Variants in CCBE1 observed in about 807,000 individuals in gnomAD.
CCBE1 encodes the protein collagen and calcium-binding EGF domain-containing protein 1.
CCBE1 carries 37 observed loss-of-function variants against 50.0 expected under a neutral mutation model. The observed-to-expected ratio is 0.74, with a 90% CI of 0.57 to 0.97. The LOEUF (loss-of-function observed/expected upper bound fraction) is 0.97, where lower values mean the gene tolerates loss of function less well. Ranked by LOEUF, CCBE1 falls within the 50% of genes least tolerant of loss-of-function variation. The pLI, the probability that CCBE1 is intolerant of heterozygous loss-of-function variation, is 0.00. For synonymous variants in CCBE1, 234 were observed against 203.7 expected (o/e 1.15, Z -1.27); for missense variants, 538 against 523.8 (o/e 1.03, Z -0.26).
chr18:59,543,651 G>C (rs1045157663), intron 2 of CCBE1, among the ~76,000 whole-genome samples: 3 of 152,056 alleles, frequency 2.0e-5, no homozygotes, highest in African/African-American at 7.2e-5. Flanking sequence ...CTGGCTAACA[G>C]GGTGAAACCC....
intron 2 of CCBE1, among the ~76,000 whole-genome samples, chr18:59,492,141 T>C (rs1418694890): frequency 2.3e-4 from 17 of 73,358 alleles, no homozygotes; most frequent in African/African-American, 1.0e-3. Context: ...TGAGACTTTG[T>C]CTCAAAAAAA....
intron 2 of CCBE1, among the ~76,000 whole-genome samples, chr18:59,631,249 G>A (rs2053845283): frequency 6.6e-6 from 1 of 152,008 alleles, no homozygotes; most frequent in African/African-American, 2.4e-5. Context: ...CGAGAGGGGA[G>A]CACCAGAAAG....
At chr18:59,696,427 G>T (rs2054804396) in intron 2 of CCBE1, 3 of 1,364,942 alleles carry the variant, frequency 2.2e-6, no homozygotes, top group Non-Finnish European at 2.9e-6. Context: ...CACCCTAGAC[G>T]CAAAGTCAGT....
intron 2 of CCBE1, among the ~76,000 whole-genome samples, chr18:59,484,883 TAA>T (rs1164704849): frequency 6.6e-6 from 1 of 152,082 alleles, no homozygotes; most frequent in African/African-American, 2.4e-5. Context: ...ATTAAAAAAA[TAA>T]ACACTGGTTG....
rs543646122 is a variant in CCBE1 at position 59,625,425 on chromosome 18, T to C, written c.212+71204A>G. 4.9e-3 allele frequency among the ~76,000 whole-genome samples: 416 copies of C among 85,188 alleles called. 5 individuals carry two copies. The highest frequency in any genetic ancestry group is 0.03 in the African/African-American group (393 of 12,926). The allele number at this position is 85,188 out of a possible 152,430, so 55.9% of individuals were successfully genotyped here. ...CAGCCTGGGCTACAGAGTGAGATTC[T>C]GTCTCAAAAAAAAAAAAAAAAAAAA... On this transcript the variant is annotated intron_variant, in intron 2 of 10. Coordinates refer to ENST00000439986, the MANE Select transcript of CCBE1 (RefSeq NM_133459.4).
intron 3 of CCBE1, 39 bp downstream of exon 3, chr18:59,480,147 G>C: frequency 2.4e-6 from 3 of 1,259,430 alleles, no homozygotes; most frequent in South Asian, 2.4e-5. Context: ...ATGATTAGTT[G>C]TGAATAAAGT....
At chr18:59,490,599 C>T (rs1204433977) in intron 2 of CCBE1, among the ~76,000 whole-genome samples, 3 of 152,162 alleles carry the variant, frequency 2.0e-5, no homozygotes, top group Admixed American at 2.0e-4. Flanking sequence ...CGACTACATA[C>T]AGGCATGTCT....
chr18:59,476,951 C>A (rs67327503), intron 3 of CCBE1, among the ~76,000 whole-genome samples: 3,274 of 152,290 alleles, frequency 0.021, 140 homozygotes, highest in East Asian at 0.2. Flanking sequence ...CCCTACTGAT[C>A]CACTAGCAAA....
intron 3 of CCBE1, among the ~76,000 whole-genome samples, chr18:59,471,980 T>C (rs780431786): frequency 2.0e-5 from 3 of 152,162 alleles, no homozygotes; most frequent in Non-Finnish European, 4.4e-5. Flanking sequence ...CTGGGCAACA[T>C]AGTGAGCTCC....
intron 2 of CCBE1, among the ~76,000 whole-genome samples, chr18:59,624,229 C>T (rs933690735): frequency 6.6e-5 from 10 of 152,210 alleles, no homozygotes; most frequent in Non-Finnish European, 1.2e-4. Context: ...ATTGATGTTT[C>T]ATTCTTATTG....
chr18:59,551,040 GAAAAGA>G (rs1915909930), intron 2 of CCBE1, among the ~76,000 whole-genome samples: 3 of 111,042 alleles, frequency 2.7e-5, no homozygotes, highest in South Asian at 3.1e-4. Context: ...GAAAAGAAAA[GAAAAGA>G]AAAAAAAGAA....
chr18:59,627,958 A>G (rs1292788990), intron 2 of CCBE1, among the ~76,000 whole-genome samples: 3 of 152,236 alleles, frequency 2.0e-5, no homozygotes, highest in African/African-American at 7.2e-5. Context: ...CACGCCCACA[A>G]TCCGGGTACT....
At chr18:59,604,849 T>C (rs1317868236) in intron 2 of CCBE1, among the ~76,000 whole-genome samples, 2 of 152,202 alleles carry the variant, frequency 1.3e-5, no homozygotes, top group African/African-American at 4.8e-5. Flanking sequence ...TTAAAATGTA[T>C]CATTTGTTCT....
At chr18:59,593,787 A>C (rs1286704975) in intron 2 of CCBE1, among the ~76,000 whole-genome samples, 1 of 152,252 alleles carries the variant, frequency 6.6e-6, no homozygotes, top group Non-Finnish European at 1.5e-5. Flanking sequence ...TTAGCTGTAT[A>C]AATTGTAACT....
intron 2 of CCBE1, among the ~76,000 whole-genome samples, chr18:59,529,963 A>T (rs965081181): frequency 1.3e-5 from 2 of 152,190 alleles, no homozygotes; most frequent in Admixed American, 6.5e-5. Flanking sequence ...AACAACTTGA[A>T]GGGCTCATTA....
At position 59,635,979 on chromosome 18, in the gene CCBE1, A is replaced by G. The variant is rs182933436; in HGVS notation, c.212+60650T>C. ...GGAGTTCAAGACCAGCCTGGGTAACATAACTAGACTGTCTCAACAACAACA... is the reference window on the plus strand; with the variant it reads ...GGAGTTCAAGACCAGCCTGGGTAACGTAACTAGACTGTCTCAACAACAACA... On this transcript the variant is annotated intron_variant, in intron 2 of 10. Transcript: ENST00000439986. Among the ~76,000 whole-genome samples, 7 of 152,242 alleles carry G rather than the reference A, an allele frequency of 4.6e-5. No individual in the cohort carries two copies. The East Asian group carries it at 9.7e-4, about 21-fold the overall frequency.
chr18:59,448,167 T>A, intron 6 of CCBE1, 64 bp from the exon 7 acceptor site: 1 of 1,607,260 alleles, frequency 6.2e-7, no homozygotes, highest in Non-Finnish European at 8.5e-7. Context: ...GGCATTTGTC[T>A]TGGTGGGAGA....
At chr18:59,696,788 C>A in intron 1 of CCBE1, 79 bp from the exon 2 acceptor site, 3 of 1,473,354 alleles carry the variant, frequency 2.0e-6, no homozygotes, top group Non-Finnish European at 2.8e-6. Flanking sequence ...GAATCCCTGG[C>A]GCGTGGGGAT....
intron 2 of CCBE1, among the ~76,000 whole-genome samples, chr18:59,569,826 T>G (rs1248405058): frequency 6.6e-6 from 1 of 152,186 alleles, no homozygotes. Context: ...AGATGGAGTC[T>G]TGCTCTGTTA....
Sources: gnomAD v4.1 joint callset for allele counts (sites outside exome capture counted in the v4.1 genomes callset) on GRCh38, gnomAD v4.1.1 for gene constraint, MANE v1.5 for transcripts, NCBI Gene and HGNC (gene_info 2026-07-23, HGNC 2026-07-21) for gene names.